The following EPHB1 variants were observed in gnomAD, a reference collection of about 807,000 sequenced individuals.
The protein encoded by EPHB1 is ephrin type-B receptor 1.
A neutral mutation model predicts 94.4 loss-of-function variants in EPHB1; 30 were observed. The observed-to-expected ratio is 0.32, with a 90% CI of 0.24 to 0.43. The LOEUF (loss-of-function observed/expected upper bound fraction) is 0.43. EPHB1 is among the 20% of genes least tolerant of loss of function. EPHB1 has a pLI of 1.00. For synonymous variants in EPHB1, 522 were observed against 489.1 expected (o/e 1.07, Z -0.89); for missense variants, 1,055 against 1,308.3 (o/e 0.81, Z 2.99).
chr3:135,053,019 GTGTGTGTGTA>G (rs1937231656), intron 3 of EPHB1, among the ~76,000 whole-genome samples: 1 of 68,384 alleles, frequency 1.5e-5, no homozygotes, highest in Admixed American at 1.6e-4. Flanking sequence ...ATATATGTGT[GTGTGTGTGTA>G]TATATATATA....
At chr3:135,189,547 G>A (rs937573911) in intron 10 of EPHB1, among the ~76,000 whole-genome samples, 18 of 152,310 alleles carry the variant, frequency 1.2e-4, no homozygotes, top group East Asian at 3.9e-4. Context: ...ACTTTGCACC[G>A]TGCTCTGCAA....
chr3:135,043,384 G>C (rs868772211), intron 3 of EPHB1, among the ~76,000 whole-genome samples: 1 of 152,054 alleles, frequency 6.6e-6, no homozygotes, highest in East Asian at 1.9e-4. Flanking sequence ...CTTAATCAAC[G>C]CTGGAATTGG....
chr3:134,867,776 G>A lies in EPHB1; in HGVS notation c.59-58040G>A, dbSNP rs570221929. 2.0e-5 allele frequency among the ~76,000 whole-genome samples: 3 copies of A among 152,334 alleles called. No individual in the cohort carries two copies. In the South Asian group the frequency reaches 6.2e-4, roughly 32 times the overall value. On this transcript the variant is annotated intron_variant, in intron 1 of 15. Coordinates refer to ENST00000398015, the MANE Select transcript of EPHB1 (RefSeq NM_004441.5). ...CAGCCCCTATTACCCGCCCTTGGCA[G>A]TTCACTTCAAGTTTGGAATTGGAGA...
intron 1 of EPHB1, among the ~76,000 whole-genome samples, chr3:134,829,623 T>TC (rs1188169325): frequency 6.6e-5 from 10 of 152,228 alleles, no homozygotes; most frequent in Non-Finnish European, 1.0e-4. Flanking sequence ...CAGTATATTC[T>TC]TATTAAATAT....
Position 135,092,621 on chromosome 3 carries a change from CCCTT to C in EPHB1, c.806-13813_806-13810del, listed in dbSNP as rs756908317. ...AACAACTTTCCCTCCCTCCCTCCCT[CCCTT>C]CCTTCCTTCCTTCTTTCCTTCTGGC... On this transcript the variant is annotated intron_variant, in intron 3 of 15. Transcript: ENST00000398015. Among the ~76,000 whole-genome samples the C allele has an allele frequency of 5.0e-3, 751 of 149,248 alleles. 6 individuals carry two copies. Among genetic ancestry groups the C allele is most frequent in the Non-Finnish European group, 5.2e-3 (350 of 67,252 alleles).
chr3:134,848,658 T>C (rs1267980578), intron 1 of EPHB1, among the ~76,000 whole-genome samples: 2 of 152,212 alleles, frequency 1.3e-5, no homozygotes, highest in East Asian at 1.9e-4. Flanking sequence ...TGCTAGAGAC[T>C]TTGCGGGAGC....
At chr3:135,031,688 T>G (rs572517459) in intron 3 of EPHB1, among the ~76,000 whole-genome samples, 5 of 152,310 alleles carry the variant, frequency 3.3e-5, no homozygotes, top group African/African-American at 1.2e-4. Flanking sequence ...ACAAAGCCAA[T>G]CAAAATTCTA....
intron 2 of EPHB1, among the ~76,000 whole-genome samples, chr3:134,941,323 C>A (rs2039112128): frequency 6.7e-6 from 1 of 148,202 alleles, no homozygotes; most frequent in Non-Finnish European, 1.5e-5. Flanking sequence ...TCAACCATCT[C>A]ACTAATCAGA....
intron 10 of EPHB1, among the ~76,000 whole-genome samples, chr3:135,188,502 A>T (rs1942387714): frequency 6.6e-6 from 1 of 152,218 alleles, no homozygotes; most frequent in Non-Finnish European, 1.5e-5. Flanking sequence ...CTCAAAAAAA[A>T]ATAGAATAAT....
At chr3:134,989,523 A>G (rs1398476745) in intron 3 of EPHB1, among the ~76,000 whole-genome samples, 1 of 150,626 alleles carries the variant, frequency 6.6e-6, no homozygotes, top group East Asian at 1.9e-4. Context: ...ACACACACAT[A>G]TATGTGAATG....
At chr3:135,175,261 C>T (rs1029203822) in intron 9 of EPHB1, among the ~76,000 whole-genome samples, 14 of 152,306 alleles carry the variant, frequency 9.2e-5, no homozygotes, top group Non-Finnish European at 1.6e-4. Flanking sequence ...TTGAGAGCAT[C>T]CTGATCTACT....
intron 10 of EPHB1, among the ~76,000 whole-genome samples, chr3:135,185,910 T>C (rs1942315035): frequency 6.6e-6 from 1 of 152,228 alleles, no homozygotes; most frequent in African/African-American, 2.4e-5. Context: ...ATTGTGATGC[T>C]ACAAAGACTG....
At chr3:135,078,034 G>A (rs1938008392) in intron 3 of EPHB1, among the ~76,000 whole-genome samples, 1 of 152,184 alleles carries the variant, frequency 6.6e-6, no homozygotes, top group African/African-American at 2.4e-5. Context: ...ACTCCATTTT[G>A]CAGATGATGG....
intron 3 of EPHB1, among the ~76,000 whole-genome samples, chr3:135,047,554 T>A (rs182342317): frequency 2.6e-4 from 39 of 152,284 alleles, no homozygotes; most frequent in African/African-American, 8.9e-4. Context: ...ATTAACTGCT[T>A]CCCTGCCTGC....
chr3:134,875,295 G>A (rs1210647478), intron 1 of EPHB1, among the ~76,000 whole-genome samples: 3 of 152,168 alleles, frequency 2.0e-5, no homozygotes, highest in African/African-American at 7.2e-5. Flanking sequence ...TGCCCACCTG[G>A]TGTCTCACCA....
At chr3:134,936,356 C>A (rs2039001133) in intron 2 of EPHB1, among the ~76,000 whole-genome samples, 2 of 152,028 alleles carry the variant, frequency 1.3e-5, no homozygotes, top group Admixed American at 6.6e-5. Flanking sequence ...GCAGGTGAGC[C>A]CTGGCCAGAG....
intron 7 of EPHB1, among the ~76,000 whole-genome samples, chr3:135,162,476 T>A (rs931755664): frequency 6.6e-6 from 1 of 152,188 alleles, no homozygotes; most frequent in Non-Finnish European, 1.5e-5. Context: ...CTTGCCTAGG[T>A]ATCCAGGTCC....
chr3:135,204,937 C>A (rs1212856919), intron 12 of EPHB1, among the ~76,000 whole-genome samples: 2 of 136,748 alleles, frequency 1.5e-5, no homozygotes, highest in African/African-American at 5.5e-5. Flanking sequence ...TACCACCACC[C>A]CCTACCACCA....
intron 12 of EPHB1, among the ~76,000 whole-genome samples, chr3:135,210,687 G>T (rs1023646141): frequency 2.0e-5 from 3 of 152,160 alleles, no homozygotes; most frequent in African/African-American, 7.2e-5. Flanking sequence ...GCCACACAGC[G>T]TGCTATTGCA....
Sources: gnomAD v4.1 joint callset for allele counts (sites outside exome capture counted in the v4.1 genomes callset) on GRCh38, gnomAD v4.1.1 for gene constraint, MANE v1.5 for transcripts, NCBI Gene and HGNC (gene_info 2026-07-23, HGNC 2026-07-21) for gene names.